Variants in LRRN3 observed in about 807,000 individuals in gnomAD.
LRRN3 encodes leucine-rich repeat neuronal protein 3.
LRRN3 carries 15 observed loss-of-function variants against 40.1 expected under a neutral mutation model. The observed-to-expected ratio is 0.37, with a 90% CI of 0.25 to 0.58. The LOEUF is 0.58. Ranked by LOEUF, LRRN3 falls within the 20% of genes least tolerant of loss-of-function variation. The pLI, the probability that LRRN3 is intolerant of heterozygous loss-of-function variation, is 0.72. For missense variants in LRRN3, 746 were observed against 837.7 expected, an observed-to-expected ratio of 0.89 and a Z score of 1.35; for synonymous variants, 308 against 297.2, an observed-to-expected ratio of 1.04 and a Z score of -0.37.
intron 1 of LRRN3, chr7:111,097,202 A>C (rs2129579076): frequency 6.6e-6 from 1 of 151,994 alleles, no homozygotes; most frequent in Admixed American, 6.6e-5. Flanking sequence ...TTCCCTGAGG[A>C]ACAATGGAAG....
At chr7:111,099,292 T>G (rs954185527) in intron 1 of LRRN3, among the ~76,000 whole-genome samples, 2 of 151,714 alleles carry the variant, frequency 1.3e-5, no homozygotes, top group South Asian at 4.1e-4. Context: ...TTTCCCCTCA[T>G]GCATTCTCTT....
At chr7:111,118,887 A>G (rs1407073937) in intron 2 of LRRN3, among the ~76,000 whole-genome samples, 1 of 152,194 alleles carries the variant, frequency 6.6e-6, no homozygotes, top group Non-Finnish European at 1.5e-5. Flanking sequence ...TCTCATTTGC[A>G]AAAGCTTTCA....
rs775859353 is a variant in LRRN3 at position 111,123,932 on chromosome 7, G to A, written c.1160G>A (p.Arg387Gln). 2.5e-6 allele frequency: 4 copies of A among 1,613,918 alleles called. No homozygotes were observed. Among genetic ancestry groups the A allele is most frequent in the East Asian group, 2.2e-5 (1 of 44,834 alleles). Reference protein sequence around the residue: ...RWMNMNKTNIRFMEPDSLFCV... With the variant: ...RWMNMNKTNIQFMEPDSLFCV... Reference sequence around the variant, plus strand: ...ATGAACATGAACAAAACCAACATTCGATTCATGGAGCCAGATTCACTGTTT... The same window carrying A: ...ATGAACATGAACAAAACCAACATTCAATTCATGGAGCCAGATTCACTGTTT... The change falls in exon 3 of 3, where the codon CGA becomes CAA. Residue 387 changes from arginine to glutamine, a missense_variant. Physicochemically the swap from Arg to Gln is conservative, Grantham distance 43 (BLOSUM62 1). Coordinates refer to ENST00000308478, the MANE Select transcript of LRRN3 (RefSeq NM_001099658.2). The surrounding 1 kb of genome is among the most constrained non-coding windows in gnomAD (Gnocchi z 6.4).
In LRRN3 at chr7:111,124,844, G is replaced by A. The variant is rs1386970858; in HGVS notation, c.2072G>A (p.Ser691Asn). The A allele has an allele frequency of 6.3e-7, 1 of 1,589,052 alleles. No individual in the cohort carries two copies. Among genetic ancestry groups the A allele is most frequent in the East Asian group, 2.3e-5 (1 of 42,600 alleles). ...INLWEAGKEK[S>N]TSLKVKATVI... ...CTCTGGGAAGCAGGAAAAGAAAAAA[G>A]TACATCACTGAAAGTAAAAGCAACT... is the stretch of plus-strand genomic sequence containing the variant. The change falls in exon 3 of 3, where the codon AGT becomes AAT. Residue 691 changes from serine (S) to asparagine (N), a missense_variant. Coordinates refer to ENST00000308478, the MANE Select transcript of LRRN3 (RefSeq NM_001099658.2).
intron 2 of LRRN3, among the ~76,000 whole-genome samples, chr7:111,108,241 G>A (rs1798771069): frequency 6.6e-6 from 1 of 152,068 alleles, no homozygotes; most frequent in Admixed American, 6.6e-5. Flanking sequence ...TTTTCTAGAG[G>A]ACTTTTCTCA....
rs563286461 is a variant in LRRN3 at position 111,123,407 on chromosome 7, T to A, written c.635T>A (p.Ile212Asn). Residue 212 changes from isoleucine to asparagine, a missense_variant, in exon 3 of 3, where the codon ATC becomes AAC. Coordinates refer to ENST00000308478, the MANE Select transcript of LRRN3 (RefSeq NM_001099658.2). The surrounding 1 kb of genome is among the most constrained non-coding windows in gnomAD (Gnocchi z 6.4). Reference protein sequence around the residue: ...RIKDMNFKPLINLRSLVIAGI... With the variant: ...RIKDMNFKPLNNLRSLVIAGI... ...AAAGACATGAACTTTAAGCCTCTTA[T>A]CAATCTTCGCAGCCTGGTTATAGCT... The A allele has an allele frequency of 6.2e-7, 1 of 1,613,594 alleles. No homozygotes were observed. Among genetic ancestry groups the A allele is most frequent in the South Asian group, 1.1e-5 (1 of 90,998 alleles).
chr7:111,108,368 C>G (rs1250903522), intron 2 of LRRN3, among the ~76,000 whole-genome samples: 3 of 151,998 alleles, frequency 2.0e-5, no homozygotes, highest in Non-Finnish European at 4.4e-5. Flanking sequence ...ACATTTTAAC[C>G]TAAATTACAT....
chr7:111,117,449 G>A (rs548029640), intron 2 of LRRN3, among the ~76,000 whole-genome samples: 8 of 151,998 alleles, frequency 5.3e-5, no homozygotes, highest in Middle Eastern at 3.4e-3. Context: ...ATTTTCTTTC[G>A]GTGTATCAAT....
intron 2 of LRRN3, among the ~76,000 whole-genome samples, chr7:111,115,296 A>G (rs975982414): frequency 1.3e-5 from 2 of 151,258 alleles, no homozygotes; most frequent in African/African-American, 2.4e-5. Context: ...GAGACAAGTT[A>G]TGACTTAAAA....
At chr7:111,113,386 C>G (rs764492285) in intron 2 of LRRN3, among the ~76,000 whole-genome samples, 2 of 149,058 alleles carry the variant, frequency 1.3e-5, no homozygotes, top group African/African-American at 2.5e-5. Flanking sequence ...ATAGAATAGT[C>G]TTTTTTTTTT....
chr7:111,091,345 A>C lies in LRRN3; in HGVS notation c.-600A>C, dbSNP rs145489261. ...GATAAGATTGCGTGCATGTGTGCAT[A>C]TCTATAGTATATATTTTGTACACTT... On this transcript the variant is annotated 5_prime_UTR_variant, in exon 1 of 3. Coordinates refer to ENST00000308478, the MANE Select transcript of LRRN3 (RefSeq NM_001099658.2). The C allele has an allele frequency of 2.4e-3, 366 of 152,256 alleles. 1 individual carries two copies. The highest frequency in any genetic ancestry group is 8.2e-3 in the African/African-American group (342 of 41,562). 9.4% of individuals were successfully genotyped at this position (152,256 alleles called of 1,614,324 possible).
chr7:111,116,488 T>A (rs1016554845), intron 2 of LRRN3, among the ~76,000 whole-genome samples: 3 of 152,156 alleles, frequency 2.0e-5, no homozygotes, highest in African/African-American at 7.2e-5. Flanking sequence ...ACTATATAAA[T>A]TTTGAACAAT....
In LRRN3 at chr7:111,123,136, T is replaced by C; in HGVS notation, c.364T>C (p.Tyr122His). The C allele has an allele frequency of 1.2e-6, 2 of 1,613,924 alleles. No homozygotes were observed. Among genetic ancestry groups the C allele is most frequent in the Non-Finnish European group, 1.7e-6 (2 of 1,179,920 alleles). Residue 122 changes from tyrosine to histidine, a missense_variant, in exon 3 of 3, where the codon TAC (tyrosine) becomes CAC (histidine). Coordinates refer to ENST00000308478, the MANE Select transcript of LRRN3 (RefSeq NM_001099658.2). This position sits in a 1 kb window ranked among gnomAD's most constrained non-coding sequence, Gnocchi z 6.4. ...VKKMPQLLSV[Y>H]LEENKLTELP... ...AAAGATGCCTCAGCTCCTTTCTGTG[T>C]ACCTAGAGGAAAACAAACTTACTGA...
intron 2 of LRRN3, among the ~76,000 whole-genome samples, chr7:111,113,048 T>C (rs1326261805): frequency 6.6e-6 from 1 of 152,204 alleles, no homozygotes; most frequent in African/African-American, 2.4e-5. Flanking sequence ...TTTTATTATA[T>C]GCAGAACAGA....
chr7:111,111,520 G>T (rs1251609298), intron 2 of LRRN3, among the ~76,000 whole-genome samples: 1 of 151,550 alleles, frequency 6.6e-6, no homozygotes, highest in African/African-American at 2.4e-5. Flanking sequence ...CTCTTTTGGG[G>T]GATCTCATAT....
At chr7:111,116,745 G>A (rs975763351) in intron 2 of LRRN3, among the ~76,000 whole-genome samples, 3 of 152,126 alleles carry the variant, frequency 2.0e-5, no homozygotes, top group African/African-American at 7.2e-5. Context: ...TCATCTGAGT[G>A]AAACTTTATT....
intron 2 of LRRN3, among the ~76,000 whole-genome samples, chr7:111,104,722 C>T (rs535705120): frequency 1.3e-5 from 2 of 151,774 alleles, no homozygotes; most frequent in East Asian, 1.9e-4. Flanking sequence ...TTGTCACAAG[C>T]GATGAGATGT....
Position 111,124,489 on chromosome 7 carries a change from T to C in LRRN3, c.1717T>C (p.Ser573Pro), listed in dbSNP as rs1801045244. ...SHAAQSARIP[S>P]DVKVYNLTHL... ...TGCTGCGCAAAGTGCTCGAATACCA[T>C]CTGATGTCAAGGTATATAATCTTAC... The change falls in exon 3 of 3, where the codon TCT becomes CCT. Residue 573 changes from serine to proline, a missense_variant. Ser to Pro is a moderately conservative substitution (Grantham distance 74). Transcript: ENST00000308478. 6.2e-6 allele frequency: 10 copies of C among 1,613,858 alleles called. No homozygotes were observed. Among genetic ancestry groups the C allele is most frequent in the Non-Finnish European group, 7.6e-6 (9 of 1,179,992 alleles).
chr7:111,108,614 A>G (rs1798818667), intron 2 of LRRN3, among the ~76,000 whole-genome samples: 2 of 152,154 alleles, frequency 1.3e-5, no homozygotes, highest in African/African-American at 4.8e-5. Flanking sequence ...GAAATTTATG[A>G]TTCTTTTTAA....
Sources: gnomAD v4.1 joint callset for allele counts (sites outside exome capture counted in the v4.1 genomes callset) on GRCh38, gnomAD v4.1.1 for gene constraint, Gnocchi (gnomAD v3.1) non-coding constraint, MANE v1.5 for transcripts, NCBI Gene and HGNC (gene_info 2026-07-23, HGNC 2026-07-21) for gene names.